The following UBE2F variants were observed in gnomAD, a reference collection of about 807,000 sequenced individuals.
The protein encoded by UBE2F is NEDD8-conjugating enzyme UBE2F.
UBE2F carries 5 observed loss-of-function variants against 29.6 expected under a neutral mutation model. That is an observed-to-expected ratio of 0.17 (90% CI 0.09 to 0.36). UBE2F has a LOEUF of 0.36. UBE2F is among the 10% of genes least tolerant of loss of function. The probability of loss-of-function intolerance (pLI) is 1.00; values close to 1 mark genes in which losing one functional copy is unlikely to be tolerated. For missense variants in UBE2F, 141 were observed against 228.5 expected, an observed-to-expected ratio of 0.62 and a Z score of 2.47; for synonymous variants, 66 against 81.8, an observed-to-expected ratio of 0.81 and a Z score of 1.04.
At chr2:237,980,643 A>C (rs902755693) in intron 2 of UBE2F, among the ~76,000 whole-genome samples, 2 of 152,186 alleles carry the variant, frequency 1.3e-5, no homozygotes, top group Non-Finnish European at 1.5e-5. Context: ...ATGCCTCCTC[A>C]GTTCCCAGCT....
intron 2 of UBE2F, chr2:237,973,758 A>T (rs1391938465): frequency 1.7e-6 from 2 of 1,205,396 alleles, no homozygotes; most frequent in African/African-American, 3.2e-5. Flanking sequence ...GTGAGGAGAA[A>T]CTTTATCCTT....
At chr2:237,972,471 C>G (rs1345587436) in intron 1 of UBE2F, among the ~76,000 whole-genome samples, 1 of 151,810 alleles carries the variant, frequency 6.6e-6, no homozygotes, top group African/African-American at 2.4e-5. Context: ...TCCACGGGAG[C>G]TTTGTCACAA....
intron 8 of UBE2F, among the ~76,000 whole-genome samples, chr2:238,034,347 G>A (rs1309471411): frequency 6.6e-6 from 1 of 151,902 alleles, no homozygotes; most frequent in Non-Finnish European, 1.5e-5. Flanking sequence ...AGAATCGCTT[G>A]AATCCAAGAG....
chr2:238,009,590 A>G (rs2063973198), intron 4 of UBE2F, among the ~76,000 whole-genome samples: 1 of 152,032 alleles, frequency 6.6e-6, no homozygotes, highest in Non-Finnish European at 1.5e-5. Flanking sequence ...CATTATGTTC[A>G]TGTTTTCCTC....
chr2:237,995,094 T>C (rs999657077), intron 4 of UBE2F, among the ~76,000 whole-genome samples: 6 of 152,160 alleles, frequency 3.9e-5, no homozygotes, highest in Admixed American at 3.9e-4. Context: ...GGCTCTGAAG[T>C]CATAAGTGGG....
intron 4 of UBE2F, among the ~76,000 whole-genome samples, chr2:238,010,737 T>C (rs548002546): frequency 6.6e-6 from 1 of 152,216 alleles, no homozygotes; most frequent in African/African-American, 2.4e-5. Context: ...CCTGAATGGC[T>C]CCCAAACTGC....
At chr2:238,033,324 G>A (rs909161242) in intron 8 of UBE2F, among the ~76,000 whole-genome samples, 12 of 152,182 alleles carry the variant, frequency 7.9e-5, no homozygotes, top group African/African-American at 2.7e-4. Context: ...GATATTATAC[G>A]TTCCTTTGAA....
intron 4 of UBE2F, among the ~76,000 whole-genome samples, chr2:237,999,395 G>A (rs1014287455): frequency 1.3e-5 from 2 of 152,106 alleles, no homozygotes; most frequent in Non-Finnish European, 2.9e-5. Flanking sequence ...ATGATGTGCA[G>A]TTTATCAGTT....
chr2:238,017,680 T>C (rs1247198074), intron 5 of UBE2F, among the ~76,000 whole-genome samples: 5 of 152,214 alleles, frequency 3.3e-5, no homozygotes, highest in African/African-American at 9.6e-5. Context: ...CATGCTTGTC[T>C]TACTGGCGTG....
chr2:238,001,480 C>G (rs2063792182), intron 4 of UBE2F, among the ~76,000 whole-genome samples: 1 of 151,906 alleles, frequency 6.6e-6, no homozygotes, highest in Non-Finnish European at 1.5e-5. Flanking sequence ...GATTATAAAT[C>G]TTATATAGTT....
intron 5 of UBE2F, among the ~76,000 whole-genome samples, chr2:238,018,079 A>T (rs756639511): frequency 1.3e-5 from 2 of 152,190 alleles, no homozygotes; most frequent in Non-Finnish European, 2.9e-5. Flanking sequence ...GAAAATACAC[A>T]TTTCCAGTCT....
intron 2 of UBE2F, among the ~76,000 whole-genome samples, chr2:237,979,143 T>G (rs1206775189): frequency 1.3e-5 from 2 of 152,136 alleles, no homozygotes; most frequent in Non-Finnish European, 2.9e-5. Flanking sequence ...CATTTCAGGG[T>G]CAAGTCTGGA....
chr2:238,013,775 G>C (rs982034082), intron 4 of UBE2F, among the ~76,000 whole-genome samples: 1 of 152,180 alleles, frequency 6.6e-6, no homozygotes, highest in African/African-American at 2.4e-5. Flanking sequence ...GGAAAGAGGA[G>C]GATAATTCCT....
chr2:237,999,480 T>C (rs2063750587), intron 4 of UBE2F, among the ~76,000 whole-genome samples: 1 of 152,200 alleles, frequency 6.6e-6, no homozygotes, highest in Non-Finnish European at 1.5e-5. Flanking sequence ...TATGCTCCTA[T>C]GTTTTTTTCC....
intron 6 of UBE2F, 30 bp from the exon 7 acceptor site, chr2:238,030,526 C>G (rs1421334452): frequency 6.3e-7 from 1 of 1,592,700 alleles, no homozygotes; most frequent in Non-Finnish European, 8.6e-7. Flanking sequence ...GGCTGCTCCT[C>G]ACTAACCACT....
At chr2:238,013,434 CT>C (rs1410090388) in intron 4 of UBE2F, among the ~76,000 whole-genome samples, 1 of 152,040 alleles carries the variant, frequency 6.6e-6, no homozygotes, top group Non-Finnish European at 1.5e-5. Context: ...CTTTTGTCCC[CT>C]GGGAATGTCC....
chr2:238,006,738 C>T (rs2063914920), intron 4 of UBE2F, among the ~76,000 whole-genome samples: 2 of 147,172 alleles, frequency 1.4e-5, no homozygotes, highest in South Asian at 4.2e-4. Context: ...ACATCCTTGG[C>T]TTGTTCCTTT....
At chr2:237,987,855 T>TG in intron 2 of UBE2F, 108 bp from the exon 3 acceptor site, 1 of 519,428 alleles carries the variant, frequency 1.9e-6, no homozygotes, top group Non-Finnish European at 3.4e-6. Context: ...GTTCATCCTT[T>TG]TTTTTTTTTT....
chr2:238,023,078 G>A (rs149156791), intron 5 of UBE2F, among the ~76,000 whole-genome samples: 5 of 152,298 alleles, frequency 3.3e-5, no homozygotes, highest in East Asian at 3.9e-4. Flanking sequence ...GAGGGCCTCC[G>A]CAGAAGGGGT....
Sources: gnomAD v4.1 joint callset for allele counts (sites outside exome capture counted in the v4.1 genomes callset) on GRCh38, gnomAD v4.1.1 for gene constraint, MANE v1.5 for transcripts, NCBI Gene and HGNC (gene_info 2026-07-23, HGNC 2026-07-21) for gene names.